The following EPYC variants were observed in gnomAD, a reference collection of about 807,000 sequenced individuals.
EPYC encodes the protein epiphycan, also known as dermatan sulfate proteoglycan 3.
In EPYC, 28 loss-of-function variants were observed where a neutral mutation model predicts 30.1. That is an observed-to-expected ratio of 0.93 (90% CI 0.69 to 1.28). The LOEUF (loss-of-function observed/expected upper bound fraction) is 1.28, where lower values mean the gene tolerates loss of function less well. Among genes scored for constraint, EPYC ranks in the 50% most tolerant of loss-of-function variants. EPYC has a pLI of 0.00. For synonymous variants in EPYC, 144 were observed against 141.4 expected (o/e 1.02, Z -0.13); for missense variants, 382 against 383.5 (o/e 1.00, Z 0.03).
intron 5 of EPYC, 88 bp downstream of exon 5, chr12:90,971,712 T>TAA (rs1877050737): frequency 3.4e-6 from 1 of 291,990 alleles, no homozygotes; most frequent in African/African-American, 3.8e-5. Flanking sequence ...ATAAATAAAT[T>TAA]TATTTTCCCT....
At chr12:90,975,261 T>C (rs1877154373) in intron 3 of EPYC, among the ~76,000 whole-genome samples, 2 of 152,090 alleles carry the variant, frequency 1.3e-5, no homozygotes, top group Admixed American at 6.6e-5. Context: ...TCTATATATT[T>C]ATCACCTTGA....
intron 2 of EPYC, among the ~76,000 whole-genome samples, chr12:90,979,226 C>A (rs1877269069): frequency 6.6e-6 from 1 of 152,082 alleles, no homozygotes; most frequent in Non-Finnish European, 1.5e-5. Flanking sequence ...AAAATTTGCT[C>A]CAGGCAATTG....
intron 2 of EPYC, among the ~76,000 whole-genome samples, chr12:90,981,661 A>G (rs1877328477): frequency 6.6e-6 from 1 of 152,040 alleles, no homozygotes. Flanking sequence ...TCTTAATTTC[A>G]GGGTAAAAAT....
intron 2 of EPYC, among the ~76,000 whole-genome samples, chr12:90,979,645 AT>A (rs1186754452): frequency 6.6e-6 from 1 of 152,118 alleles, no homozygotes; most frequent in Non-Finnish European, 1.5e-5. Context: ...CTGTGCTTCC[AT>A]AGAGTCTCTC....
At chr12:91,001,997 G>A (rs2120877140) in intron 2 of EPYC, among the ~76,000 whole-genome samples, 1 of 151,812 alleles carries the variant, frequency 6.6e-6, no homozygotes, top group East Asian at 1.9e-4. Flanking sequence ...GACCATCCTG[G>A]CCAACATGGT....
intron 2 of EPYC, among the ~76,000 whole-genome samples, chr12:90,989,938 A>G (rs1270684253): frequency 6.6e-6 from 1 of 152,076 alleles, no homozygotes; most frequent in Admixed American, 6.6e-5. Context: ...AACACTTTAG[A>G]CACATTATCT....
chr12:90,987,126 C>T (rs764400113), intron 2 of EPYC, among the ~76,000 whole-genome samples: 8 of 152,160 alleles, frequency 5.3e-5, no homozygotes, highest in Admixed American at 1.3e-4. Flanking sequence ...TGGACAAGCA[C>T]TGTCATTTTA....
intron 6 of EPYC, 65 bp downstream of exon 6, chr12:90,969,979 C>T: frequency 8.9e-7 from 1 of 1,129,374 alleles, no homozygotes; most frequent in Non-Finnish European, 1.3e-6. Flanking sequence ...TTCTTGTGTC[C>T]TGATGTCCTT....
intron 5 of EPYC, among the ~76,000 whole-genome samples, chr12:90,970,804 G>C (rs975643076): frequency 1.3e-5 from 2 of 152,204 alleles, no homozygotes; most frequent in African/African-American, 4.8e-5. Flanking sequence ...CCACCACCCA[G>C]TGGTTATGAG....
intron 2 of EPYC, among the ~76,000 whole-genome samples, chr12:90,990,236 G>C (rs7964914): frequency 0.095 from 14,418 of 151,962 alleles, 1,480 homozygotes; most frequent in African/African-American, 0.26. Flanking sequence ...ATTGTTTCTT[G>C]TAACACAGCC....
Position 90,964,291 on chromosome 12 carries a change from G to C in EPYC, c.834C>G (p.Phe278Leu), listed in dbSNP as rs920309636. 57 of 1,610,500 alleles carry C rather than the reference G, an allele frequency of 3.5e-5. No individual in the cohort carries two copies. Among genetic ancestry groups the C allele is most frequent in the Non-Finnish European group, 4.7e-5 (55 of 1,177,432 alleles). The change falls in exon 7 of 7, where the codon TTC becomes TTG. Residue 278 changes from phenylalanine to leucine, a missense_variant. Physicochemically the swap from Phe to Leu is conservative, Grantham distance 22 (BLOSUM62 0). Coordinates refer to ENST00000261172, the MANE Select transcript of EPYC (RefSeq NM_004950.5). ...TATAAGTCAAATTTTTAACATTGCA[G>C]AACGTATCTTCGTGCATTTCCAGAA... ...NNILEMHEDT[F>L]CNVKNLTYIR...
chr12:90,994,391 T>C (rs1182098481), intron 2 of EPYC, among the ~76,000 whole-genome samples: 1 of 152,170 alleles, frequency 6.6e-6, no homozygotes, highest in Non-Finnish European at 1.5e-5. Flanking sequence ...TACTTAATCC[T>C]CAAAAGGTAT....
At chr12:91,001,524 A>G (rs1236067147) in intron 2 of EPYC, among the ~76,000 whole-genome samples, 1 of 152,096 alleles carries the variant, frequency 6.6e-6, no homozygotes, top group Non-Finnish European at 1.5e-5. Flanking sequence ...TGTATCCTTT[A>G]GTTATATTAA....
Position 90,971,668 on chromosome 12 carries a change from A to G in EPYC, c.702+132T>C, listed in dbSNP as rs948166879. The G allele has an allele frequency of 2.2e-5, 5 of 225,972 alleles. No homozygotes were observed. In the Admixed American group the frequency reaches 4.3e-4, roughly 20 times the overall value. The allele number at this position is 225,972 out of a possible 1,614,324, so 14.0% of individuals were successfully genotyped here. On this transcript the variant is annotated intron_variant, in intron 5 of 6. Coordinates refer to ENST00000261172, the MANE Select transcript of EPYC (RefSeq NM_004950.5). The stretch of plus-strand genomic sequence containing the variant: ...AGCCTGGGTGACAGAGTGAGACCCT[A>G]TCTCAATAAATAAATAAATAAATAA...
intron 6 of EPYC, among the ~76,000 whole-genome samples, chr12:90,968,025 A>G (rs1474198678): frequency 6.6e-6 from 1 of 152,128 alleles, no homozygotes; most frequent in African/African-American, 2.4e-5. Flanking sequence ...CTTCATTACT[A>G]TTGAACTGCC....
chr12:91,002,560 C>G lies in EPYC; in HGVS notation c.6G>C (p.Lys2Asn). The part of the protein sequence containing the change: M[K>N]TLAGLVLGLV... ...GTCCCAGAACAAGTCCTGCTAATGT[C>G]TTCATTTTTCAAGCTTTCCTAATTA... Residue 2 changes from lysine to asparagine, a missense_variant, in exon 2 of 7, where the codon AAG (lysine) becomes AAC (asparagine). Physicochemically the swap from Lys to Asn is moderately conservative, Grantham distance 94. Transcript: ENST00000261172. 6.2e-7 allele frequency: 1 copy of G among 1,602,072 alleles called. No homozygotes were observed. The highest frequency in any genetic ancestry group is 8.5e-7 in the Non-Finnish European group (1 of 1,176,634).
At chr12:90,999,110 C>A (rs906752805) in intron 2 of EPYC, among the ~76,000 whole-genome samples, 6 of 152,024 alleles carry the variant, frequency 3.9e-5, no homozygotes, top group African/African-American at 1.4e-4. Flanking sequence ...AGGTCAGGCC[C>A]TTTTAGGTGG....
At chr12:91,000,378 A>T (rs1043899432) in intron 2 of EPYC, among the ~76,000 whole-genome samples, 2 of 136,172 alleles carry the variant, frequency 1.5e-5, no homozygotes, top group African/African-American at 5.0e-5. Context: ...ACAGATACTA[A>T]GATAATATTG....
intron 6 of EPYC, 107 bp from the exon 7 acceptor site, chr12:90,964,433 C>T: frequency 1.3e-6 from 1 of 786,692 alleles, no homozygotes; most frequent in Admixed American, 3.0e-5. Flanking sequence ...TTGTTATTTT[C>T]CTCAATCAAA....
Sources: gnomAD v4.1 joint callset for allele counts (sites outside exome capture counted in the v4.1 genomes callset) on GRCh38, gnomAD v4.1.1 for gene constraint, MANE v1.5 for transcripts, NCBI Gene and HGNC (gene_info 2026-07-23, HGNC 2026-07-21) for gene names.